KIF3C: variants seen among roughly 807,000 people sequenced by gnomAD.
KIF3C encodes the protein kinesin family member 3C.
Under a neutral mutation model 67.7 loss-of-function variants are expected in KIF3C, and 12 were observed. The observed-to-expected ratio is 0.18, with a 90% confidence interval of 0.11 to 0.29. The LOEUF is 0.29. Among genes scored for constraint, KIF3C ranks in the 10% least tolerant of loss-of-function variants. The pLI is 1.00. For missense variants in KIF3C, 789 were observed against 1,059.6 expected (o/e 0.74, Z 3.55); for synonymous variants, 393 against 426.2 (o/e 0.92, Z 0.96).
At chr2:25,973,729 C>T (rs893182392) in intron 1 of KIF3C, among the ~76,000 whole-genome samples, 4 of 152,098 alleles carry the variant, frequency 2.6e-5, no homozygotes, top group Admixed American at 6.6e-5. Context: ...TTCCATAATT[C>T]GTACTCCCTG....
Position 25,981,763 on chromosome 2 carries a change from C to T in KIF3C, c.155G>A (p.Gly52Glu), listed in dbSNP as rs1559560674. 1 of 1,613,728 alleles carries T rather than the reference C, an allele frequency of 6.2e-7. No individual in the cohort carries two copies. The highest frequency in any genetic ancestry group is 8.5e-7 in the Non-Finnish European group (1 of 1,179,856). Residue 52 changes from glycine (G) to glutamate (E), a missense_variant, in exon 1 of 8, where the codon GGG becomes GAG. Physicochemically the swap from Gly to Glu is moderately conservative, Grantham distance 98. Around this residue, in one of 2 missense-constraint regions of KIF3C, gnomAD observed 141 missense variants for 251.8 expected, o/e 0.56. Transcript: ENST00000264712. The surrounding 1 kb of genome is among the most constrained non-coding windows in gnomAD (Gnocchi z 8.2). ...VTLRNPRAAP[G>E]ELPKTFTFDA... ...AAAGGTGAAGGTCTTGGGCAGCTCC[C>T]CCGGGGCGGCGCGGGGGTTCCGCAG...
rs955793406 is a variant in KIF3C at position 25,980,215 on chromosome 2, GCCT to G, written c.1545+155_1545+157del. ...TGGCAGCCCGGTATCACAGCAATTT[GCCT>G]GGCTGCTCTGGGGGCACATTTGGCA... On this transcript the variant is annotated intron_variant, in intron 1 of 7. Coordinates refer to ENST00000264712, the MANE Select transcript of KIF3C (RefSeq NM_002254.8). The surrounding 1 kb of genome is among the most constrained non-coding windows in gnomAD (Gnocchi z 7.6). 3.9e-5 allele frequency among the ~76,000 whole-genome samples: 6 copies of G among 152,206 alleles called. No individual in the cohort carries two copies. Among genetic ancestry groups the G allele is most frequent in the African/African-American group, 1.4e-4 (6 of 41,450 alleles).
intron 5 of KIF3C, among the ~76,000 whole-genome samples, chr2:25,934,779 G>A (rs2149222659): frequency 6.6e-6 from 1 of 152,060 alleles, no homozygotes; most frequent in East Asian, 1.9e-4. Flanking sequence ...GAACAAACAG[G>A]CCAGCCTCAG....
chr2:25,946,516 A>C (rs1411177525), intron 5 of KIF3C, among the ~76,000 whole-genome samples: 1 of 151,752 alleles, frequency 6.6e-6, no homozygotes, highest in Admixed American at 6.6e-5. Context: ...GGTGAAACCC[A>C]GTCCCTACTA....
Position 25,980,156 on chromosome 2 carries a change from C to T in KIF3C, c.1545+217G>A, listed in dbSNP as rs1664525815. ...ACTGGCTTGAGAGACCGCCTGTCCA[C>T]GTTGCTTCGTGTGTGTGTGCCTGTG... On this transcript the variant is annotated intron_variant, in intron 1 of 7. Transcript: ENST00000264712. This position sits in a 1 kb window ranked among gnomAD's most constrained non-coding sequence, Gnocchi z 7.6. 6.6e-6 allele frequency among the ~76,000 whole-genome samples: 1 copy of T among 152,162 alleles called. No homozygotes were observed. Among genetic ancestry groups the T allele is most frequent in the African/African-American group, 2.4e-5 (1 of 41,438 alleles).
In KIF3C at chr2:25,951,634, C is replaced by T. The variant is rs3748975; in HGVS notation, c.2006+155G>A. 2.6e-4 allele frequency: 154 copies of T among 591,842 alleles called. No homozygotes were observed. In the East Asian group the frequency reaches 4.4e-3, roughly 17 times the overall value. The allele number at this position is 591,842 out of a possible 1,614,324, so 36.7% of individuals were successfully genotyped here. A position where few individuals can be genotyped will look rare whatever the true frequency, so the allele number is the denominator to read the frequency against. On this transcript the variant is annotated intron_variant, in intron 5 of 7. Transcript: ENST00000264712. The stretch of plus-strand genomic sequence containing the variant: ...TCATAGAGACCCCTACAATTAGATC[C>T]TGAGAAATTCATCCCCCATCGGCAT...
intron 5 of KIF3C, among the ~76,000 whole-genome samples, chr2:25,944,992 G>A (rs370636428): frequency 6.6e-6 from 1 of 152,094 alleles, no homozygotes; most frequent in South Asian, 2.1e-4. Flanking sequence ...TTAGCCAGGC[G>A]TGGTGGCGGG....
chr2:25,936,007 A>G (rs1325225152), intron 5 of KIF3C, among the ~76,000 whole-genome samples: 1 of 151,970 alleles, frequency 6.6e-6, no homozygotes, highest in Non-Finnish European at 1.5e-5. Flanking sequence ...GAATCGCTTG[A>G]ACCCGGGAGG....
intron 6 of KIF3C, among the ~76,000 whole-genome samples, 183 bp downstream of exon 6, chr2:25,929,772 C>T (rs563909315): frequency 2.5e-4 from 37 of 146,866 alleles, no homozygotes; most frequent in African/African-American, 6.1e-4. Flanking sequence ...CCCATCACCA[C>T]GCCTGGCTAA....
intron 1 of KIF3C, among the ~76,000 whole-genome samples, chr2:25,970,667 CAAA>C (rs397984116): frequency 1.8e-5 from 1 of 54,802 alleles, no homozygotes. Context: ...AACTTTGTCT[CAAA>C]AAAAAAAAAA....
At chr2:25,963,196 A>ATTTTTT (rs1165957083) in intron 1 of KIF3C, among the ~76,000 whole-genome samples, 1 of 43,326 alleles carries the variant, frequency 2.3e-5, no homozygotes, top group Non-Finnish European at 3.6e-5. Context: ...ATATATATAT[A>ATTTTTT]TTTTTTTTTT....
intron 1 of KIF3C, among the ~76,000 whole-genome samples, chr2:25,977,989 A>G (rs1664460007): frequency 1.3e-5 from 2 of 152,092 alleles, no homozygotes. Context: ...CTTTGCTTCC[A>G]TCTGAACACC....
chr2:25,946,438 C>A (rs755183739), intron 5 of KIF3C, among the ~76,000 whole-genome samples: 3 of 152,134 alleles, frequency 2.0e-5, no homozygotes, highest in Non-Finnish European at 1.5e-5. Flanking sequence ...CGCCTGTAAT[C>A]CCAGCATTTT....
Position 25,980,793 on chromosome 2 carries a change from G to A in KIF3C, c.1125C>T (p.Pro375=), listed in dbSNP as rs2149245817. 6.2e-7 allele frequency: 1 copy of A among 1,614,196 alleles called. No individual in the cohort carries two copies. Among genetic ancestry groups the A allele is most frequent in the East Asian group, 2.2e-5 (1 of 44,886 alleles). Residue 375 remains proline, a synonymous_variant, in exon 1 of 8, where the codon CCC becomes CCT. Coordinates refer to ENST00000264712, the MANE Select transcript of KIF3C (RefSeq NM_002254.8). The surrounding 1 kb of genome is among the most constrained non-coding windows in gnomAD (Gnocchi z 7.6). ...IKNKPRVNED[P]KDTLLREFQE... is the part of the protein sequence containing the mutation. Reference sequence around the variant, plus strand: ...GGAATTCCCGCAGCAGTGTGTCCTTGGGGTCCTCGTTCACCCGGGGCTTGT... The same window carrying A: ...GGAATTCCCGCAGCAGTGTGTCCTTAGGGTCCTCGTTCACCCGGGGCTTGT...
chr2:25,967,751 G>C (rs749084329), intron 1 of KIF3C, among the ~76,000 whole-genome samples: 1 of 152,186 alleles, frequency 6.6e-6, no homozygotes, highest in African/African-American at 2.4e-5. Flanking sequence ...CCTTGAGCCC[G>C]GGAGGTGGAG....
At position 25,929,728 on chromosome 2, in the gene KIF3C, G is replaced by C. The variant is rs1230035923; in HGVS notation, c.2115+227C>G. The stretch of plus-strand genomic sequence containing the variant: ...CCTCCCAGGTTCAAGCAATTCTCCT[G>C]CCTCAGCCTCCCAAGTAGCTGGGAC... On this transcript the variant is annotated intron_variant, in intron 6 of 7. Coordinates refer to ENST00000264712, the MANE Select transcript of KIF3C (RefSeq NM_002254.8). Among the ~76,000 whole-genome samples, 7 of 151,858 alleles carry C rather than the reference G, an allele frequency of 4.6e-5. No homozygotes were observed. The East Asian group carries it at 1.4e-3, about 29-fold the overall frequency.
intron 1 of KIF3C, among the ~76,000 whole-genome samples, chr2:25,963,208 T>A (rs1273743545): frequency 5.5e-5 from 5 of 91,710 alleles, no homozygotes; most frequent in African/African-American, 2.3e-4. Flanking sequence ...TTTTTTTTTT[T>A]TTTTTTTTTT....
chr2:25,969,724 G>GTT (rs112949241), intron 1 of KIF3C, among the ~76,000 whole-genome samples: 1 of 95,250 alleles, frequency 1.0e-5, no homozygotes, highest in Admixed American at 9.7e-5. Flanking sequence ...TTGGGTTTTT[G>GTT]TTTTTTTTTT....
rs1311812917 is a variant in KIF3C, at chr2:25,954,305, C to T, written c.1851G>A (p.Glu617=). 5 of 1,614,168 alleles carry T rather than the reference C, an allele frequency of 3.1e-6. No homozygotes were observed. Among genetic ancestry groups the T allele is most frequent in the Admixed American group, 3.3e-5 (2 of 60,020 alleles). Residue 617 remains glutamate, a synonymous_variant, in exon 4 of 8, where the codon GAG becomes GAA. Coordinates refer to ENST00000264712, the MANE Select transcript of KIF3C (RefSeq NM_002254.8). ...CGCGGGTCTGCTCGTTCTGCGCCTC[C>T]TCCAGGTCCTGCCGCACGCGGATAT... ...DEYIRVRQDL[E]EAQNEQTREL...
Sources: allele counts gnomAD v4.1 joint callset (sites outside exome capture counted in the v4.1 genomes callset), GRCh38; gene constraint gnomAD v4.1.1; regional missense constraint gnomAD v4.1.1; non-coding constraint Gnocchi (gnomAD v3.1); transcripts MANE v1.5; gene names NCBI Gene and HGNC (gene_info 2026-07-23, HGNC 2026-07-21).